The following TRAPPC9 variants were observed in gnomAD, a reference collection of about 807,000 sequenced individuals.
TRAPPC9 encodes the protein IKK2 binding protein.
In TRAPPC9, 83 loss-of-function variants were observed where a neutral mutation model predicts 124.0. The observed-to-expected ratio is 0.67, with a 90% CI of 0.56 to 0.80. The LOEUF is 0.80. Among genes scored for constraint, TRAPPC9 ranks in the 30% least tolerant of loss-of-function variants. TRAPPC9 has a pLI of 0.00. For missense variants in TRAPPC9, 1,302 were observed against 1,508.3 expected (o/e 0.86, Z 2.27); for synonymous variants, 638 against 617.5 (o/e 1.03, Z -0.49).
At chr8:140,404,877 T>C (rs956536262) in intron 6 of TRAPPC9, among the ~76,000 whole-genome samples, 2 of 149,510 alleles carry the variant, frequency 1.3e-5, no homozygotes, top group Non-Finnish European at 1.5e-5. Flanking sequence ...CATGCGCGTG[T>C]AAGTGCATGT....
At chr8:140,278,717 C>A (rs2065205370) in intron 14 of TRAPPC9, among the ~76,000 whole-genome samples, 1 of 152,204 alleles carries the variant, frequency 6.6e-6, no homozygotes, top group African/African-American at 2.4e-5. Context: ...CTGACCTCTG[C>A]CCTCATCACT....
At chr8:139,751,933 A>G (rs931088315) in intron 21 of TRAPPC9, among the ~76,000 whole-genome samples, 3 of 148,638 alleles carry the variant, frequency 2.0e-5, no homozygotes, top group African/African-American at 7.5e-5. Context: ...TCTATCCACC[A>G]TCTACCCACC....
intron 16 of TRAPPC9, among the ~76,000 whole-genome samples, chr8:140,247,419 C>A (rs921372256): frequency 6.6e-6 from 1 of 152,174 alleles, no homozygotes; most frequent in Non-Finnish European, 1.5e-5. Context: ...ATCTGATTTT[C>A]TTTATTTCAT....
chr8:140,283,743 T>C, intron 14 of TRAPPC9, 146 bp downstream of exon 14: 1 of 833,536 alleles, frequency 1.2e-6, no homozygotes, highest in South Asian at 1.4e-5. Context: ...GCAAAGCGTA[T>C]TGATGTTGCT....
chr8:140,380,200 C>T (rs1474914376), intron 7 of TRAPPC9, among the ~76,000 whole-genome samples: 1 of 152,060 alleles, frequency 6.6e-6, no homozygotes, highest in Non-Finnish European at 1.5e-5. Context: ...TACTACAAAG[C>T]TATAATAACC....
chr8:139,958,584 G>A (rs1368302650), intron 19 of TRAPPC9, among the ~76,000 whole-genome samples: 2 of 152,110 alleles, frequency 1.3e-5, no homozygotes, highest in East Asian at 3.8e-4. Flanking sequence ...GTGTCTAATT[G>A]GATAAAAGAG....
rs117169460 is a variant in TRAPPC9 at position 140,322,343 on chromosome 8, C to T, written c.1496-10969G>A. Among the ~76,000 whole-genome samples the T allele has an allele frequency of 4.5e-4, 69 of 152,302 alleles. No individual in the cohort carries two copies. In the East Asian group the frequency reaches 0.013, roughly 29 times the overall value. ...GAGCTAGGACCAAGGCTACACCCAG[C>T]TCAACTGCAGATCAGATTGGCAATG... On this transcript the variant is annotated intron_variant, in intron 9 of 22. Transcript: ENST00000438773.
chr8:140,404,424 C>T (rs953474186), intron 6 of TRAPPC9, among the ~76,000 whole-genome samples: 2 of 152,154 alleles, frequency 1.3e-5, no homozygotes, highest in Non-Finnish European at 2.9e-5. Context: ...GTTCTAGGTG[C>T]TGTTTATGAG....
At chr8:140,128,542 A>G (rs925133681) in intron 17 of TRAPPC9, among the ~76,000 whole-genome samples, 41 of 152,352 alleles carry the variant, frequency 2.7e-4, no homozygotes, top group African/African-American at 9.1e-4. Flanking sequence ...GGTGAGGCAA[A>G]TTCATTCTCT....
chr8:140,192,284 G>A (rs548844801), intron 17 of TRAPPC9, among the ~76,000 whole-genome samples: 7 of 152,324 alleles, frequency 4.6e-5, no homozygotes, highest in South Asian at 2.1e-4. Context: ...AGTGGCACAC[G>A]TGTATTTCAC....
At position 140,334,649 on chromosome 8, in the gene TRAPPC9, CTAAATAAATAAA is replaced by C. The variant is rs61689098; in HGVS notation, c.1496-23287_1496-23276del. 1.4e-3 allele frequency among the ~76,000 whole-genome samples: 203 copies of C among 146,038 alleles called. 2 individuals carry two copies. The highest frequency in any genetic ancestry group is 4.5e-3 in the East Asian group (22 of 4,926). ...TGGGCGACAGAGCGAGACTCTGTCA[CTAAATAAATAAA>C]TAAATAAATAAATAAATAAATAAAT... On this transcript the variant is annotated intron_variant, in intron 9 of 22. Transcript: ENST00000438773.
chr8:140,039,014 G>A (rs976402719), intron 17 of TRAPPC9, among the ~76,000 whole-genome samples: 6 of 152,206 alleles, frequency 3.9e-5, no homozygotes, highest in African/African-American at 1.4e-4. Flanking sequence ...AAACCTGCAG[G>A]GTCAAAGCCT....
At chr8:139,809,279 G>T (rs1345433373) in intron 21 of TRAPPC9, among the ~76,000 whole-genome samples, 1 of 152,108 alleles carries the variant, frequency 6.6e-6, no homozygotes, top group African/African-American at 2.4e-5. Flanking sequence ...GCAGCAGTCT[G>T]CCCTGAGTGC....
intron 9 of TRAPPC9, among the ~76,000 whole-genome samples, chr8:140,319,712 C>T (rs959079632): frequency 6.6e-6 from 1 of 152,134 alleles, no homozygotes; most frequent in Non-Finnish European, 1.5e-5. Flanking sequence ...AAGTGATCCA[C>T]CCACCTCGGC....
chr8:139,881,791 G>A (rs1469974201), intron 21 of TRAPPC9, among the ~76,000 whole-genome samples: 1 of 152,204 alleles, frequency 6.6e-6, no homozygotes, highest in Non-Finnish European at 1.5e-5. Flanking sequence ...AGAAAAAGAT[G>A]GCAGCTCTTG....
intron 17 of TRAPPC9, among the ~76,000 whole-genome samples, chr8:140,114,332 GAAA>G (rs59499088): frequency 0.013 from 1,483 of 117,048 alleles, 30 homozygotes; most frequent in African/African-American, 0.045. Flanking sequence ...AAGGACTGAA[GAAA>G]AAAAAAAAAA....
At chr8:140,287,543 C>T in intron 13 of TRAPPC9, 65 bp downstream of exon 13, 1 of 1,604,150 alleles carries the variant, frequency 6.2e-7, no homozygotes, top group East Asian at 2.2e-5. Context: ...CTCTGGACCT[C>T]ATGGAGGCCA....
At chr8:140,260,093 T>C (rs142622340) in intron 15 of TRAPPC9, among the ~76,000 whole-genome samples, 257 of 152,264 alleles carry the variant, frequency 1.7e-3, no homozygotes, top group Middle Eastern at 3.4e-3. Flanking sequence ...ACGATAAGTA[T>C]ACATTACGCT....
intron 18 of TRAPPC9, among the ~76,000 whole-genome samples, chr8:140,005,329 A>G (rs1216416870): frequency 1.3e-5 from 2 of 152,172 alleles, no homozygotes; most frequent in East Asian, 1.9e-4. Flanking sequence ...GAACCTGCAG[A>G]GTAGGAAGGT....
Sources: allele counts gnomAD v4.1 joint callset (sites outside exome capture counted in the v4.1 genomes callset), GRCh38; gene constraint gnomAD v4.1.1; transcripts MANE v1.5; gene names NCBI Gene and HGNC (gene_info 2026-07-23, HGNC 2026-07-21).